Variants in MTTP observed in about 807,000 individuals in gnomAD.
MTTP encodes the protein microsomal triglyceride transfer protein, also known as microsomal triglyceride transfer protein large subunit.
MTTP carries 49 observed loss-of-function variants against 90.6 expected under a neutral mutation model. That is an observed-to-expected ratio of 0.54 (90% CI 0.43 to 0.69). The LOEUF is 0.69. Ranked by LOEUF, MTTP falls within the 30% of genes least tolerant of loss-of-function variation. The pLI, the probability that MTTP is intolerant of heterozygous loss-of-function variation, is 0.00. For synonymous variants in MTTP, 347 were observed against 384.2 expected, an observed-to-expected ratio of 0.90 and a Z score of 1.13; for missense variants, 945 against 1,067.5, an observed-to-expected ratio of 0.89 and a Z score of 1.60.
intron 15 of MTTP, among the ~76,000 whole-genome samples, chr4:99,618,094 T>C (rs1039302214): frequency 1.3e-5 from 2 of 152,192 alleles, no homozygotes; most frequent in Non-Finnish European, 2.9e-5. Context: ...TTCATACAAT[T>C]TTTAAAATAC....
intron 1 of MTTP, among the ~76,000 whole-genome samples, chr4:99,576,434 G>A (rs1242321368): frequency 6.6e-6 from 1 of 152,014 alleles, no homozygotes; most frequent in East Asian, 1.9e-4. Flanking sequence ...GGTGGCTCAC[G>A]CCTGTAATCC....
At position 99,565,093 on chromosome 4, in the gene MTTP, A is replaced by G. The variant is rs188469326; in HGVS notation, c.-102+856A>G. ...GGCATCTTTTTTCAGCTGCCTCCAT[A>G]TGAGGGCAAAGAGTAGCTGAGGGAG... On this transcript the variant is annotated intron_variant, in intron 1 of 18. Coordinates refer to the MTTP transcript ENST00000457717. Among the ~76,000 whole-genome samples the G allele has an allele frequency of 1.2e-4, 19 of 152,318 alleles. No individual in the cohort carries two copies. In the East Asian group the frequency reaches 3.7e-3, roughly 29 times the overall value.
chr4:99,583,854 G>A, intron 3 of MTTP: 1 of 458,058 alleles, frequency 2.2e-6, no homozygotes, highest in South Asian at 3.0e-5. Context: ...AGTCATCAAA[G>A]CATGATTGGA....
At chr4:99,564,187 G>A in exon 1 of MTTP, 1 of 1,535,474 alleles carries the variant, frequency 6.5e-7, no homozygotes, top group East Asian at 2.4e-5. Flanking sequence ...GTTTTTTCCC[G>A]TTCAAGAATT....
chr4:99,583,243 C>T, intron 2 of MTTP, 131 bp from the exon 3 acceptor site: 1 of 1,061,554 alleles, frequency 9.4e-7, no homozygotes, highest in South Asian at 1.5e-5. Context: ...TCCTATAAAT[C>T]ATGAATTGAA....
At chr4:99,621,482 A>G (rs1726232616) in intron 17 of MTTP, among the ~76,000 whole-genome samples, 2 of 152,314 alleles carry the variant, frequency 1.3e-5, no homozygotes, top group South Asian at 2.1e-4. Context: ...TCCAGAAACA[A>G]TTTATCCAGG....
intron 6 of MTTP, 84 bp downstream of exon 6, chr4:99,591,874 G>A: frequency 9.4e-7 from 1 of 1,064,488 alleles, no homozygotes; most frequent in Non-Finnish European, 1.3e-6. Flanking sequence ...CTGTGTTTGT[G>A]TGTGTGTGTG....
chr4:99,620,256 G>A (rs956200), intron 16 of MTTP, among the ~76,000 whole-genome samples: 28,259 of 152,114 alleles, frequency 0.19, 3,010 homozygotes, highest in East Asian at 0.45. Context: ...TTTAATTTGC[G>A]CAGCAAAAAT....
At chr4:99,569,685 TA>T (rs1294053140) in intron 1 of MTTP, among the ~76,000 whole-genome samples, 1 of 152,006 alleles carries the variant, frequency 6.6e-6, no homozygotes, top group Non-Finnish European at 1.5e-5. Context: ...TAATAATTAT[TA>T]AGGTGTTCAG....
intron 1 of MTTP, among the ~76,000 whole-genome samples, chr4:99,575,685 A>G (rs1393455572): frequency 1.3e-5 from 2 of 152,230 alleles, no homozygotes; most frequent in African/African-American, 2.4e-5. Flanking sequence ...ATGGTTTCAT[A>G]AAACTGTTGT....
At chr4:99,568,069 T>C (rs1193229456) in intron 1 of MTTP, among the ~76,000 whole-genome samples, 1 of 151,834 alleles carries the variant, frequency 6.6e-6, no homozygotes, top group African/African-American at 2.4e-5. Flanking sequence ...AAAATGAAAA[T>C]GATTCAAAAA....
intron 10 of MTTP, among the ~76,000 whole-genome samples, chr4:99,602,040 A>G (rs1005219227): frequency 1.6e-4 from 25 of 152,016 alleles, no homozygotes; most frequent in African/African-American, 4.6e-4. Flanking sequence ...CTCCCTACCC[A>G]TATACTTTAT....
rs1411418481 is a variant in MTTP at position 99,621,190 on chromosome 4, C to A, written c.2472C>A (p.Phe824Leu). ...ISTVQFSQYP[F>L]LVCMQMDKDE... The stretch of plus-strand genomic sequence containing the variant: ...CAGTGCAGTTTTCTCAGTACCCATT[C>A]TTAGTTTGCATGCAGATGGACAAGG... The change falls in exon 17 of 18, where the codon TTC (phenylalanine) becomes TTA (leucine). Residue 824 changes from phenylalanine (F) to leucine (L), a missense_variant. Transcript: ENST00000265517. 3 of 1,614,066 alleles carry A rather than the reference C, an allele frequency of 1.9e-6. No homozygotes were observed. The highest frequency in any genetic ancestry group is 1.7e-6 in the Non-Finnish European group (2 of 1,179,956).
chr4:99,621,151 G>C lies in MTTP; in HGVS notation c.2433G>C (p.Leu811Phe), dbSNP rs144590904. Residue 811 changes from leucine to phenylalanine, a missense_variant, in exon 17 of 18, where the codon TTG becomes TTC. Physicochemically the swap from Leu to Phe is conservative, Grantham distance 22 (BLOSUM62 0). Coordinates refer to ENST00000265517, the MANE Select transcript of MTTP (RefSeq NM_001386140.1). Reference protein sequence around the residue: ...LETSTETEAGLEFISTVQFSQ... With the variant: ...LETSTETEAGFEFISTVQFSQ... The stretch of plus-strand genomic sequence containing the variant: ...CCAGTACAGAAACAGAAGCAGGCTT[G>C]GAGTTTATCTCCACAGTGCAGTTTT... 2,601 of 1,614,034 alleles carry C rather than the reference G, an allele frequency of 1.6e-3. 6 individuals carry two copies. Among genetic ancestry groups the C allele is most frequent in the Middle Eastern group, 6.9e-3 (42 of 6,062 alleles).
chr4:99,599,460 C>T (rs1345470727), intron 8 of MTTP, among the ~76,000 whole-genome samples: 2 of 152,084 alleles, frequency 1.3e-5, no homozygotes, highest in Non-Finnish European at 2.9e-5. Flanking sequence ...GGTATATCTG[C>T]GTCTGTTTCC....
At chr4:99,620,321 G>A (rs1240085658) in intron 16 of MTTP, among the ~76,000 whole-genome samples, 1 of 152,180 alleles carries the variant, frequency 6.6e-6, no homozygotes, top group East Asian at 1.9e-4. Context: ...TGTGAAAGCA[G>A]TTTCTCACAG....
At chr4:99,584,224 A>G (rs892502329) in intron 3 of MTTP, 3 of 152,096 alleles carry the variant, frequency 2.0e-5, no homozygotes, top group African/African-American at 7.2e-5. Context: ...GGCATTACAT[A>G]TTTGTGTTTA....
chr4:99,604,539 T>C (rs1290348038), intron 10 of MTTP, among the ~76,000 whole-genome samples: 1 of 152,200 alleles, frequency 6.6e-6, no homozygotes, highest in African/African-American at 2.4e-5. Context: ...CATCTTTGCT[T>C]TATCTCTTTC....
rs370776165 is a variant in MTTP at position 99,600,617 on chromosome 4, G to A, written c.1120G>A (p.Ala374Thr). The part of the protein sequence containing the change: ...TSAQTSDSLE[A>T]ILDFLDFKSD... Reference sequence around the variant, plus strand: ...TGCTCAGACCTCAGACTCATTAGAAGCCATTTTGGACTTTTTGGATTTCAA... The same window carrying A: ...TGCTCAGACCTCAGACTCATTAGAAACCATTTTGGACTTTTTGGATTTCAA... Residue 374 changes from alanine (A) to threonine (T), a missense_variant, in exon 9 of 18, where the codon GCC becomes ACC. Physicochemically the swap from Ala to Thr is moderately conservative, Grantham distance 58. Transcript: ENST00000265517. 1.9e-6 allele frequency: 3 copies of A among 1,613,726 alleles called. No individual in the cohort carries two copies. Among genetic ancestry groups the A allele is most frequent in the Non-Finnish European group, 2.5e-6 (3 of 1,179,790 alleles).
Sources: gnomAD v4.1 joint callset for allele counts (sites outside exome capture counted in the v4.1 genomes callset) on GRCh38, gnomAD v4.1.1 for gene constraint, MANE v1.5 for transcripts, NCBI Gene and HGNC (gene_info 2026-07-23, HGNC 2026-07-21) for gene names.